Variants in TCF4 observed in about 807,000 individuals in gnomAD.
The protein encoded by TCF4 is transcription factor 4.
Under a neutral mutation model 82.1 loss-of-function variants are expected in TCF4, and 3 were observed. The observed-to-expected ratio is 0.04, with a 90% CI of 0.02 to 0.09. The LOEUF (loss-of-function observed/expected upper bound fraction) is 0.09, where lower values mean the gene tolerates loss of function less well. Ranked by LOEUF, TCF4 falls within the 10% of genes least tolerant of loss-of-function variation. The probability of loss-of-function intolerance (pLI) is 1.00; values close to 1 mark genes in which losing one functional copy is unlikely to be tolerated. For missense variants in TCF4, 518 were observed against 852.7 expected (o/e 0.61, Z 4.89); for synonymous variants, 276 against 309.6 (o/e 0.89, Z 1.14).
intron 6 of TCF4, among the ~76,000 whole-genome samples, chr18:55,358,965 T>G (rs2084336780): frequency 6.6e-6 from 1 of 152,260 alleles, no homozygotes; most frequent in Admixed American, 6.5e-5. Flanking sequence ...GTAAGGAGTA[T>G]ATTTAAATAT....
intron 3 of TCF4, among the ~76,000 whole-genome samples, chr18:55,514,770 G>A (rs537887714): frequency 1.6e-4 from 25 of 151,982 alleles, no homozygotes; most frequent in Non-Finnish European, 3.2e-4. Flanking sequence ...AGGAGCACAC[G>A]TAAAAATATA....
At chr18:55,503,843 G>A (rs769632907) in intron 3 of TCF4, among the ~76,000 whole-genome samples, 3 of 152,294 alleles carry the variant, frequency 2.0e-5, no homozygotes, top group Non-Finnish European at 4.4e-5. Flanking sequence ...GGGAGGCCGA[G>A]GTGGACGGAT....
chr18:55,457,234 A>G (rs1320642858), intron 5 of TCF4, among the ~76,000 whole-genome samples: 1 of 152,210 alleles, frequency 6.6e-6, no homozygotes, highest in African/African-American at 2.4e-5. Context: ...TAAAACACTT[A>G]CAAGTATCAA....
At chr18:55,289,815 A>G (rs556480557) in intron 8 of TCF4, among the ~76,000 whole-genome samples, 21 of 152,060 alleles carry the variant, frequency 1.4e-4, no homozygotes, top group Non-Finnish European at 2.5e-4. Flanking sequence ...TCTATACCCT[A>G]TTGTACATTA....
chr18:55,576,655 A>G (rs1049029512), intron 3 of TCF4, among the ~76,000 whole-genome samples: 1 of 152,190 alleles, frequency 6.6e-6, no homozygotes, highest in African/African-American at 2.4e-5. Flanking sequence ...AAGGATTAGA[A>G]TTGAGTTTTC....
upstream of TCF4, among the ~76,000 whole-genome samples, chr18:55,590,762 C>G (rs1488118396): frequency 6.6e-6 from 1 of 152,186 alleles, no homozygotes; most frequent in Non-Finnish European, 1.5e-5. Context: ...CATGTGTTTA[C>G]TATATGCTAA....
At chr18:55,572,243 T>A (rs1013304075) in intron 3 of TCF4, among the ~76,000 whole-genome samples, 7 of 152,102 alleles carry the variant, frequency 4.6e-5, no homozygotes, top group Non-Finnish European at 8.8e-5. Flanking sequence ...TTACCCCAAG[T>A]CTCTAACTAG....
intron 8 of TCF4, among the ~76,000 whole-genome samples, chr18:55,338,386 C>A (rs537993790): frequency 6.6e-6 from 1 of 152,184 alleles, no homozygotes; most frequent in Non-Finnish European, 1.5e-5. Flanking sequence ...GAGGCACTAT[C>A]CGCAGGCTCA....
intron 5 of TCF4, among the ~76,000 whole-genome samples, chr18:55,451,520 C>T (rs1479051008): frequency 6.6e-6 from 1 of 152,202 alleles, no homozygotes. Context: ...AAGATGTGCA[C>T]TGCTCAAAAC....
chr18:55,292,209 G>A (rs12326261), intron 8 of TCF4, among the ~76,000 whole-genome samples: 5,041 of 151,944 alleles, frequency 0.033, 274 homozygotes, highest in African/African-American at 0.12. Context: ...ATATTCTTCC[G>A]GAATGAGGAG....
rs2097629411 is a variant in TCF4, at chr18:55,585,318, C to T, written c.107G>A (p.Gly36Glu). ...ATGTCCACTTGCCAAAGAAGTTGGT[C>T]CATTTTTCCCACTGCTCACAGGAGG... ...FSPPVSSGKN[G>E]PTSLASGHFT... The change falls in exon 3 of 20, where the codon GGA becomes GAA. Residue 36 changes from glycine to glutamate, a missense_variant. Transcript: ENST00000354452. 1 of 1,613,982 alleles carries T rather than the reference C, an allele frequency of 6.2e-7. No individual in the cohort carries two copies. The highest frequency in any genetic ancestry group is 8.5e-7 in the Non-Finnish European group (1 of 1,179,936).
chr18:55,365,386 C>A (rs2086742661), intron 6 of TCF4, among the ~76,000 whole-genome samples: 3 of 151,100 alleles, frequency 2.0e-5, no homozygotes, highest in Non-Finnish European at 4.4e-5. Flanking sequence ...CAAATTATTT[C>A]TTGTAGAAGC....
At chr18:55,403,327 G>C (rs2093929529) in intron 6 of TCF4, 127 bp downstream of exon 6, 1 of 1,011,252 alleles carries the variant, frequency 9.9e-7, no homozygotes, top group East Asian at 2.4e-5. Context: ...CTTAAAGAGA[G>C]AGCCATCATC....
At chr18:55,480,276 CAAAA>C (rs74180500) in intron 3 of TCF4, among the ~76,000 whole-genome samples, 1 of 27,680 alleles carries the variant, frequency 3.6e-5, no homozygotes. Flanking sequence ...GTAGGAACTC[CAAAA>C]AAAAAAAAAA....
intron 3 of TCF4, among the ~76,000 whole-genome samples, chr18:55,532,940 C>T (rs926246735): frequency 1.3e-5 from 2 of 151,970 alleles, no homozygotes; most frequent in African/African-American, 4.8e-5. Flanking sequence ...TAGGGATGTA[C>T]ATAAAGGTAT....
At chr18:55,353,791 A>G (rs2082825174) in intron 6 of TCF4, among the ~76,000 whole-genome samples, 1 of 152,214 alleles carries the variant, frequency 6.6e-6, no homozygotes, top group African/African-American at 2.4e-5. Flanking sequence ...TTTGCACAAA[A>G]TGGATAAGGT....
At chr18:55,366,444 T>C (rs1407580028) in intron 6 of TCF4, among the ~76,000 whole-genome samples, 3 of 152,246 alleles carry the variant, frequency 2.0e-5, no homozygotes, top group Non-Finnish European at 4.4e-5. Context: ...ATATACACCA[T>C]ATTAACTTCA....
At chr18:55,538,038 A>G (rs1024107670) in intron 3 of TCF4, among the ~76,000 whole-genome samples, 47 of 150,572 alleles carry the variant, frequency 3.1e-4, no homozygotes, top group Middle Eastern at 3.5e-3. Flanking sequence ...ACACACACAC[A>G]CACACACACA....
chr18:55,302,416 C>G (rs1372788704), intron 8 of TCF4: 2 of 1,536,202 alleles, frequency 1.3e-6, no homozygotes, highest in African/African-American at 1.4e-5. Flanking sequence ...CTGACCTTAC[C>G]TCTGCTTTCC....
Sources: gnomAD v4.1 joint callset for allele counts (sites outside exome capture counted in the v4.1 genomes callset) on GRCh38, gnomAD v4.1.1 for gene constraint, MANE v1.5 for transcripts, NCBI Gene and HGNC (gene_info 2026-07-23, HGNC 2026-07-21) for gene names.